PTCHD4: variants seen among roughly 807,000 people sequenced by gnomAD.
PTCHD4 encodes patched domain-containing protein 4.
A neutral mutation model predicts 58.1 loss-of-function variants in PTCHD4; 33 were observed. The observed-to-expected ratio is 0.57, with a 90% CI of 0.43 to 0.76. PTCHD4 has a LOEUF of 0.76. Among genes scored for constraint, PTCHD4 ranks in the 30% least tolerant of loss-of-function variants. The pLI is 0.00. For missense variants in PTCHD4, 1,058 were observed against 1,027.1 expected (o/e 1.03, Z -0.41); for synonymous variants, 478 against 409.6 (o/e 1.17, Z -2.02).
At position 48,069,841 on chromosome 6, in the gene PTCHD4, G is replaced by C. The variant is rs1291969986; in HGVS notation, c.-884C>G. 6.6e-6 allele frequency among the ~76,000 whole-genome samples: 1 copy of C among 152,116 alleles called. No homozygotes were observed. Among genetic ancestry groups the C allele is most frequent in the Non-Finnish European group, 1.5e-5 (1 of 68,034 alleles). ...CTTCCACCCCTCACCCATGAGGACT[G>C]TTTCAAGCCATCTGGTTCAGGCTAA... On this transcript the variant is annotated 5_prime_UTR_variant, in exon 2 of 5. Transcript: ENST00000339488.
chr6:48,089,912 C>T (rs978676269), intron 1 of PTCHD4, among the ~76,000 whole-genome samples: 37 of 152,244 alleles, frequency 2.4e-4, no homozygotes, highest in African/African-American at 8.2e-4. Context: ...TTCTTTCTTT[C>T]GTATTTTCCA....
intron 4 of PTCHD4, among the ~76,000 whole-genome samples, chr6:47,915,070 A>G (rs1765201863): frequency 1.3e-5 from 2 of 152,224 alleles, no homozygotes; most frequent in Admixed American, 6.6e-5. Flanking sequence ...TTAAACATCC[A>G]TATTGAAAGG....
rs534453887 is a variant in PTCHD4, at chr6:48,025,606, CT to C, written c.418-16493del. On this transcript the variant is annotated intron_variant, in intron 3 of 4. Transcript: ENST00000339488. ...AACATTCTTCACTTACATGGAAGTA[CT>C]TTGTGGAGGAACAATTAACTTGCTA... 1.1e-4 allele frequency among the ~76,000 whole-genome samples: 17 copies of C among 152,286 alleles called. No individual in the cohort carries two copies. The South Asian group carries it at 3.5e-3, about 32-fold the overall frequency.
intron 4 of PTCHD4, among the ~76,000 whole-genome samples, chr6:47,969,631 C>G (rs190838618): frequency 2.6e-5 from 4 of 152,008 alleles, no homozygotes; most frequent in Non-Finnish European, 5.9e-5. Flanking sequence ...TGACCCCCCC[C>G]AAAAAATAAA....
intron 1 of PTCHD4, among the ~76,000 whole-genome samples, chr6:48,094,183 C>A (rs964360843): frequency 1.3e-5 from 2 of 152,048 alleles, no homozygotes; most frequent in African/African-American, 4.8e-5. Flanking sequence ...TGTATTCTAC[C>A]AGTAGCATCC....
intron 4 of PTCHD4, among the ~76,000 whole-genome samples, chr6:47,927,860 C>G (rs890009496): frequency 4.6e-5 from 7 of 151,546 alleles, no homozygotes; most frequent in Admixed American, 1.3e-4. Flanking sequence ...TGGGCTCAAG[C>G]GATCCATCTG....
chr6:47,951,509 C>T lies in PTCHD4; in HGVS notation c.898+57125G>A, dbSNP rs190475686. 3.9e-5 allele frequency among the ~76,000 whole-genome samples: 6 copies of T among 152,232 alleles called. No homozygotes were observed. The East Asian group carries it at 1.2e-3, about 29-fold the overall frequency. ...ATATATCACTGCAGCCATTTACACACAAGGGACCCAGATTTTTATTTGGCA... is the reference window on the plus strand; with the variant it reads ...ATATATCACTGCAGCCATTTACACATAAGGGACCCAGATTTTTATTTGGCA... On this transcript the variant is annotated intron_variant, in intron 4 of 4. Transcript: ENST00000339488.
chr6:47,971,033 C>T (rs1188817612), intron 4 of PTCHD4, among the ~76,000 whole-genome samples: 1 of 152,122 alleles, frequency 6.6e-6, no homozygotes, highest in Non-Finnish European at 1.5e-5. Flanking sequence ...AGGCTGCCAG[C>T]CAGTTACACC....
chr6:47,989,484 C>T (rs143721049), intron 4 of PTCHD4, among the ~76,000 whole-genome samples: 6 of 152,252 alleles, frequency 3.9e-5, no homozygotes, highest in Admixed American at 2.0e-4. Context: ...ATAGTGGTTT[C>T]GTGGATGGAG....
intron 4 of PTCHD4, among the ~76,000 whole-genome samples, chr6:47,948,863 T>C (rs537090933): frequency 6.6e-6 from 1 of 152,246 alleles, no homozygotes; most frequent in South Asian, 2.1e-4. Flanking sequence ...CTCACCACTG[T>C]CCCCTCCTTA....
At chr6:47,953,732 C>A (rs898814814) in intron 4 of PTCHD4, among the ~76,000 whole-genome samples, 1 of 152,040 alleles carries the variant, frequency 6.6e-6, no homozygotes, top group Non-Finnish European at 1.5e-5. Flanking sequence ...TGACTGAGGA[C>A]TATGAAATAA....
chr6:47,935,581 A>G (rs575609958), intron 4 of PTCHD4, among the ~76,000 whole-genome samples: 36 of 152,152 alleles, frequency 2.4e-4, no homozygotes, highest in Non-Finnish European at 4.6e-4. Context: ...ATCAGTACCA[A>G]ATACACATAC....
chr6:48,082,923 T>C (rs566405573), intron 1 of PTCHD4, among the ~76,000 whole-genome samples: 17 of 152,048 alleles, frequency 1.1e-4, no homozygotes, highest in Middle Eastern at 3.4e-3. Flanking sequence ...TTGGTACATG[T>C]TTGGCTTAGT....
intron 3 of PTCHD4, among the ~76,000 whole-genome samples, chr6:48,054,820 G>T (rs1764351813): frequency 6.6e-6 from 1 of 152,134 alleles, no homozygotes; most frequent in African/African-American, 2.4e-5. Context: ...TGCAGGGATG[G>T]TAAGTGATTT....
chr6:47,930,817 G>C (rs1011774672), intron 4 of PTCHD4, among the ~76,000 whole-genome samples: 1 of 152,048 alleles, frequency 6.6e-6, no homozygotes, highest in South Asian at 2.1e-4. Flanking sequence ...TTTTTGAGAT[G>C]GAGTCTCGCT....
chr6:47,882,965 ACTT>A (rs1277073007), intron 4 of PTCHD4, among the ~76,000 whole-genome samples: 7 of 151,436 alleles, frequency 4.6e-5, no homozygotes, highest in African/African-American at 1.7e-4. Flanking sequence ...ATGCCCATTA[ACTT>A]CTTTTTGAAT....
At chr6:47,938,740 C>T (rs1246415858) in intron 4 of PTCHD4, among the ~76,000 whole-genome samples, 1 of 152,126 alleles carries the variant, frequency 6.6e-6, no homozygotes, top group Non-Finnish European at 1.5e-5. Context: ...CAGTTGCTGG[C>T]AGGCAGAATT....
intron 4 of PTCHD4, among the ~76,000 whole-genome samples, chr6:47,956,343 C>T (rs1035343091): frequency 5.3e-5 from 8 of 152,116 alleles, no homozygotes; most frequent in African/African-American, 1.2e-4. Context: ...TAATACTATA[C>T]GGATGAAGCA....
chr6:47,925,452 T>G (rs770813685), intron 4 of PTCHD4, among the ~76,000 whole-genome samples: 2 of 152,174 alleles, frequency 1.3e-5, no homozygotes, highest in Non-Finnish European at 2.9e-5. Context: ...CAGGGTATTT[T>G]CCTAGTACTC....
Sources: gnomAD v4.1 joint callset for allele counts (sites outside exome capture counted in the v4.1 genomes callset) on GRCh38, gnomAD v4.1.1 for gene constraint, MANE v1.5 for transcripts, NCBI Gene and HGNC (gene_info 2026-07-23, HGNC 2026-07-21) for gene names.